The following FETUB variants were observed in gnomAD, a reference collection of about 807,000 sequenced individuals.
FETUB encodes the protein fetuin B.
In FETUB, 28 loss-of-function variants were observed where a neutral mutation model predicts 30.9. That is an observed-to-expected ratio of 0.90 (90% CI 0.67 to 1.24). FETUB has a LOEUF of 1.24. FETUB is among the 50% of genes most tolerant of loss of function. The probability of loss-of-function intolerance (pLI) is 0.00; values close to 1 mark genes in which losing one functional copy is unlikely to be tolerated. For missense variants in FETUB, 469 were observed against 455.3 expected, an observed-to-expected ratio of 1.03 and a Z score of -0.27; for synonymous variants, 186 against 175.9, an observed-to-expected ratio of 1.06 and a Z score of -0.45.
chr3:186,646,529 T>C (rs184940065), intron 5 of FETUB, among the ~76,000 whole-genome samples, 180 bp downstream of exon 5: 1 of 152,326 alleles, frequency 6.6e-6, no homozygotes, highest in East Asian at 1.9e-4. Flanking sequence ...AGTGCAACTT[T>C]CATCAGTAGT....
intron 2 of FETUB, 22 bp from the exon 3 acceptor site, chr3:186,642,448 TA>T (rs755696221): frequency 7.2e-7 from 1 of 1,389,830 alleles, no homozygotes. Flanking sequence ...CGCTATGTCA[TA>T]AAATGCATTT....
intron 5 of FETUB, among the ~76,000 whole-genome samples, chr3:186,649,578 C>T (rs1717827302): frequency 6.6e-6 from 1 of 152,104 alleles, no homozygotes; most frequent in Admixed American, 6.5e-5. Flanking sequence ...TCAAGCGATT[C>T]TCCTGCCTCA....
intron 3 of FETUB, among the ~76,000 whole-genome samples, chr3:186,643,768 A>T (rs1717263328): frequency 1.3e-5 from 2 of 152,196 alleles, no homozygotes; most frequent in African/African-American, 4.8e-5. Flanking sequence ...AAGTGCATGC[A>T]GATAAACACA....
intron 2 of FETUB, chr3:186,641,810 T>C (rs1267770314): frequency 6.6e-6 from 1 of 152,310 alleles, no homozygotes; most frequent in Admixed American, 6.5e-5. Context: ...AGAAAACTAT[T>C]TGATCAAGAT....
At chr3:186,643,791 A>C (rs991707770) in intron 3 of FETUB, among the ~76,000 whole-genome samples, 9 of 152,194 alleles carry the variant, frequency 5.9e-5, no homozygotes, top group African/African-American at 2.2e-4. Flanking sequence ...ATTTCTAAAA[A>C]CAATGTGTTT....
chr3:186,641,129 T>G lies in FETUB; in HGVS notation c.325T>G (p.Phe109Val), dbSNP rs759724113. The stretch of plus-strand genomic sequence containing the variant: ...ATGGCAAGACTGTGGAATGAGGATA[T>G]TTTTTGAATCAGTGAGTGCTTGTTT... ...KAWQDCGMRIFFESVYGQCKA... is the reference protein window; with the variant it reads ...KAWQDCGMRIVFESVYGQCKA... Residue 109 changes from phenylalanine to valine, a missense_variant, in exon 2 of 7, where the codon TTT becomes GTT. By Grantham distance (50) the Phe-to-Val change is conservative. Transcript: ENST00000265029. 1.9e-6 allele frequency: 3 copies of G among 1,608,556 alleles called. No homozygotes were observed. The African/African-American group carries it at 4.0e-5, about 21-fold the overall frequency.
At chr3:186,639,815 T>C (rs993975230), upstream of FETUB, among the ~76,000 whole-genome samples, 46 of 152,300 alleles carry the variant, frequency 3.0e-4, 1 homozygote, top group Middle Eastern at 0.014. Flanking sequence ...TGAAATACAA[T>C]GTGAGAACTT....
At chr3:186,643,369 G>A (rs1448133213) in intron 3 of FETUB, among the ~76,000 whole-genome samples, 3 of 152,158 alleles carry the variant, frequency 2.0e-5, no homozygotes, top group East Asian at 1.9e-4. Flanking sequence ...TGGAAAGAGA[G>A]CATCCACAGT....
Position 186,650,175 on chromosome 3 carries a change from G to T in FETUB, c.697-1043G>T, listed in dbSNP as rs529938526. ...AGTTTCTTTGTTGGCGGGGGTGGGG[G>T]GGGGGGGTAAATCACCAGCTGTGGG... On this transcript the variant is annotated intron_variant, in intron 5 of 6. Coordinates refer to ENST00000265029, the MANE Select transcript of FETUB (RefSeq NM_014375.3). Among the ~76,000 whole-genome samples, 7 of 100,732 alleles carry T rather than the reference G, an allele frequency of 6.9e-5. 1 individual carries two copies. Among genetic ancestry groups the T allele is most frequent in the Non-Finnish European group, 1.2e-4 (6 of 51,206 alleles). 66.1% of individuals were successfully genotyped at this position (100,732 alleles called of 152,430 possible). A position where few individuals can be genotyped will look rare whatever the true frequency, so the allele number is the denominator to read the frequency against.
At chr3:186,643,302 A>G (rs186643621) in intron 3 of FETUB, among the ~76,000 whole-genome samples, 25 of 152,324 alleles carry the variant, frequency 1.6e-4, no homozygotes, top group African/African-American at 5.8e-4. Flanking sequence ...ACTTAATGAC[A>G]CTTGAAATAT....
Position 186,640,695 on chromosome 3 carries a change from G to T in FETUB, c.225+10G>T, listed in dbSNP as rs771574066. 2 of 1,608,354 alleles carry T rather than the reference G, an allele frequency of 1.2e-6. No homozygotes were observed. The highest frequency in any genetic ancestry group is 1.1e-5 in the South Asian group (1 of 90,930). On this transcript the variant is annotated intron_variant, in intron 1 of 6. Coordinates refer to ENST00000265029, the MANE Select transcript of FETUB (RefSeq NM_014375.3). ...CCAGGAATACAGACGGGCAAGTAGG[G>T]ACAGTTCCCACTCTGGGGCAGGGAT... is the stretch of plus-strand genomic sequence containing the variant.
chr3:186,644,059 G>A (rs951715774), intron 3 of FETUB, among the ~76,000 whole-genome samples: 1 of 152,058 alleles, frequency 6.6e-6, no homozygotes, highest in African/African-American at 2.4e-5. Context: ...TATATATACT[G>A]TATTGTGATC....
At chr3:186,646,153 CAT>C (rs1428499519) in intron 4 of FETUB, 93 bp from the exon 5 acceptor site, 4 of 794,026 alleles carry the variant, frequency 5.0e-6, no homozygotes, top group Non-Finnish European at 8.7e-6. Context: ...CCTCTGGTGA[CAT>C]ATTGTTTCTG....
chr3:186,641,407 G>A (rs1006350640), intron 2 of FETUB: 7 of 343,456 alleles, frequency 2.0e-5, no homozygotes, highest in East Asian at 5.8e-5. Context: ...AAGACCTTCC[G>A]TTAGGCTCTG....
chr3:186,646,167 A>T, intron 4 of FETUB, 81 bp from the exon 5 acceptor site: 1 of 911,266 alleles, frequency 1.1e-6, no homozygotes, highest in Non-Finnish European at 1.8e-6. Context: ...TTGTTTCTGT[A>T]GATATAACGC....
chr3:186,637,561 G>A (rs1310883128), upstream of FETUB, among the ~76,000 whole-genome samples: 1 of 152,196 alleles, frequency 6.6e-6, no homozygotes, highest in African/African-American at 2.4e-5. Context: ...CCTGTGTCAG[G>A]AGGTGGGCAG....
At chr3:186,642,348 C>G in intron 2 of FETUB, 123 bp from the exon 3 acceptor site, 2 of 647,282 alleles carry the variant, frequency 3.1e-6, no homozygotes, top group Non-Finnish European at 5.4e-6. Context: ...CCAGCCAAAA[C>G]CACAGAATTT....
chr3:186,644,914 T>C lies in FETUB; in HGVS notation c.588T>C (p.Ser196=). 6.2e-7 allele frequency: 1 copy of C among 1,612,012 alleles called. No homozygotes were observed. Among genetic ancestry groups the C allele is most frequent in the Non-Finnish European group, 8.5e-7 (1 of 1,179,208 alleles). The change falls in exon 4 of 7, where the codon TCT becomes TCC. Residue 196 remains serine, a synonymous_variant. Coordinates refer to ENST00000265029, the MANE Select transcript of FETUB (RefSeq NM_014375.3). The part of the protein sequence containing the change: ...QYSLFKVTRA[S]SQWVVGPSYF... The stretch of plus-strand genomic sequence containing the variant: ...CTCTCTTCAAAGTCACCAGGGCTTC[T>C]AGCCAGGTAAGGCTAAAACTGCCCA...
At chr3:186,641,280 T>G (rs1717037436) in intron 2 of FETUB, 140 bp downstream of exon 2, 1 of 630,010 alleles carries the variant, frequency 1.6e-6, no homozygotes. Flanking sequence ...GCCCATAAGC[T>G]TATTCTAATG....
Sources: gnomAD v4.1 joint callset for allele counts (sites outside exome capture counted in the v4.1 genomes callset) on GRCh38, gnomAD v4.1.1 for gene constraint, MANE v1.5 for transcripts, NCBI Gene and HGNC (gene_info 2026-07-23, HGNC 2026-07-21) for gene names.